Variants in GALNT9 observed in about 807,000 individuals in gnomAD.
GALNT9 encodes polypeptide N-acetylgalactosaminyltransferase 9, also known as GalNAc transferase 9.
GALNT9 carries 47 observed loss-of-function variants against 63.1 expected under a neutral mutation model. That is an observed-to-expected ratio of 0.75 (90% CI 0.59 to 0.95). The LOEUF is 0.95. Ranked by LOEUF, GALNT9 falls within the 40% of genes least tolerant of loss-of-function variation. GALNT9 has a pLI of 0.00. For synonymous variants in GALNT9, 396 were observed against 365.7 expected (o/e 1.08, Z -0.94); for missense variants, 829 against 874.8 (o/e 0.95, Z 0.66).
At chr12:132,274,407 A>G (rs2135552989) in intron 2 of GALNT9, 1 of 145,572 alleles carries the variant, frequency 6.9e-6, no homozygotes, top group East Asian at 2.0e-4. Flanking sequence ...GTAAAATCCC[A>G]CCAGAGCCCC....
intron 1 of GALNT9, among the ~76,000 whole-genome samples, chr12:132,288,292 C>T (rs2135563963): frequency 6.6e-6 from 1 of 152,330 alleles, no homozygotes; most frequent in Non-Finnish European, 1.5e-5. Flanking sequence ...TGGAATATTC[C>T]ATTTTAAATG....
intron 6 of GALNT9, among the ~76,000 whole-genome samples, chr12:132,216,892 G>A (rs1877220169): frequency 6.6e-6 from 1 of 152,240 alleles, no homozygotes; most frequent in Non-Finnish European, 1.5e-5. Context: ...AGAATTTGGG[G>A]ATAACTTGGC....
rs777199957 is a variant in GALNT9 at position 132,197,254 on chromosome 12, CTG to C, written c.1666-3_1666-2del. 2 of 1,611,312 alleles carry C rather than the reference CTG, an allele frequency of 1.2e-6. No individual in the cohort carries two copies. The highest frequency in any genetic ancestry group is 8.5e-7 in the Non-Finnish European group (1 of 1,179,776). On this transcript the variant is annotated splice_acceptor_variant and splice_polypyrimidine_tract_variant and intron_variant, in intron 10 of 10. Coordinates refer to ENST00000328957, the MANE Select transcript of GALNT9 (RefSeq NM_001122636.2). LOFTEE classifies it high-confidence loss of function. ...TGGCCCGGCTCACAATGGGGCCACT[CTG>C]TGGGGACAGGCACATCAAGTCAGCC...
intron 1 of GALNT9, among the ~76,000 whole-genome samples, chr12:132,311,247 AAG>A (rs1308371407): frequency 2.6e-5 from 4 of 152,116 alleles, no homozygotes; most frequent in African/African-American, 7.2e-5. Flanking sequence ...AAGAGGGAGA[AAG>A]GGGGAAGAAA....
intron 2 of GALNT9, among the ~76,000 whole-genome samples, chr12:132,268,776 G>T (rs1426551169): frequency 6.6e-6 from 1 of 152,162 alleles, no homozygotes; most frequent in African/African-American, 2.4e-5. Context: ...AAGCACGTGC[G>T]CAGGTGCCCC....
chr12:132,314,100 C>G (rs1352706939), intron 1 of GALNT9, among the ~76,000 whole-genome samples: 1 of 113,844 alleles, frequency 8.8e-6, no homozygotes, highest in Non-Finnish European at 1.9e-5. Context: ...CACTCACCCA[C>G]CCACCCATCC....
chr12:132,321,319 C>T (rs993866603), intron 1 of GALNT9, among the ~76,000 whole-genome samples: 1 of 152,154 alleles, frequency 6.6e-6, no homozygotes, highest in Non-Finnish European at 1.5e-5. Flanking sequence ...CTTGGTTTCC[C>T]GTCTGCTAAT....
intron 5 of GALNT9, among the ~76,000 whole-genome samples, chr12:132,248,233 C>T (rs1385559018): frequency 1.3e-5 from 2 of 152,216 alleles, no homozygotes; most frequent in African/African-American, 4.8e-5. Context: ...TGGTTAAGCC[C>T]TCAGCCCAGA....
chr12:132,214,151 G>A (rs763090878), intron 6 of GALNT9, among the ~76,000 whole-genome samples: 23 of 152,174 alleles, frequency 1.5e-4, no homozygotes, highest in Non-Finnish European at 2.8e-4. Flanking sequence ...AGCCGATTCC[G>A]GGGTGCCGTG....
chr12:132,270,708 G>A (rs990593210), intron 2 of GALNT9, among the ~76,000 whole-genome samples: 6 of 152,178 alleles, frequency 3.9e-5, no homozygotes, highest in South Asian at 2.1e-4. Flanking sequence ...CCACAGCCAC[G>A]GACACGGCCA....
At chr12:132,224,778 C>A (rs1219453689) in intron 6 of GALNT9, among the ~76,000 whole-genome samples, 29 of 145,148 alleles carry the variant, frequency 2.0e-4, no homozygotes. Flanking sequence ...ACACACCCCA[C>A]ACACATACAT....
At chr12:132,302,915 T>G (rs529146238) in intron 1 of GALNT9, among the ~76,000 whole-genome samples, 1 of 150,806 alleles carries the variant, frequency 6.6e-6, no homozygotes. Context: ...GAGAGGAGGG[T>G]GGGCACAGTG....
At chr12:132,259,033 C>T (rs1184454711) in intron 4 of GALNT9, among the ~76,000 whole-genome samples, 13 of 152,328 alleles carry the variant, frequency 8.5e-5, no homozygotes, top group African/African-American at 2.6e-4. Context: ...CCCTTCTTCC[C>T]GTCCTTCTGA....
chr12:132,212,068 G>C (rs1486999042), intron 6 of GALNT9, among the ~76,000 whole-genome samples: 1 of 152,252 alleles, frequency 6.6e-6, no homozygotes, highest in Admixed American at 6.5e-5. Context: ...CAGGCATTGA[G>C]AGAAAAGACG....
chr12:132,276,803 G>A (rs78170500), intron 2 of GALNT9, among the ~76,000 whole-genome samples: 5,203 of 152,254 alleles, frequency 0.034, 237 homozygotes, highest in East Asian at 0.23. Flanking sequence ...AGCATCTACC[G>A]TCTGACAAAG....
At chr12:132,285,702 C>T (rs1397896355) in intron 2 of GALNT9, among the ~76,000 whole-genome samples, 2 of 152,244 alleles carry the variant, frequency 1.3e-5, no homozygotes, top group Admixed American at 6.5e-5. Flanking sequence ...GCCTCTGCTG[C>T]GTGAGCCATG....
chr12:132,219,597 T>C (rs1877354723), intron 6 of GALNT9, among the ~76,000 whole-genome samples: 1 of 152,046 alleles, frequency 6.6e-6, no homozygotes, highest in Non-Finnish European at 1.5e-5. Flanking sequence ...CCAGCTCTGA[T>C]GGACCCCTGG....
chr12:132,228,408 G>A (rs1172495149), intron 6 of GALNT9, among the ~76,000 whole-genome samples: 1 of 136,216 alleles, frequency 7.3e-6, no homozygotes, highest in Non-Finnish European at 1.6e-5. Context: ...AGGCAGGGCG[G>A]CCCGTCAGCA....
chr12:132,257,680 G>A lies in GALNT9; in HGVS notation c.959+9C>T, dbSNP rs961458302. 45 of 1,544,440 alleles carry A rather than the reference G, an allele frequency of 2.9e-5. No homozygotes were observed. In the East Asian group the frequency reaches 3.2e-4, roughly 11 times the overall value. ...AGGGCCGCCCTCGACCCCTGAGGGCGCAGCTCACCTGATGGGTGCTGACTC... is the reference window on the plus strand; with the variant it reads ...AGGGCCGCCCTCGACCCCTGAGGGCACAGCTCACCTGATGGGTGCTGACTC... On this transcript the variant is annotated intron_variant, in intron 5 of 10. Transcript: ENST00000328957.
Sources: gnomAD v4.1 joint callset for allele counts (sites outside exome capture counted in the v4.1 genomes callset) on GRCh38, gnomAD v4.1.1 for gene constraint, MANE v1.5 for transcripts, NCBI Gene and HGNC (gene_info 2026-07-23, HGNC 2026-07-21) for gene names.